SGCZ: variants seen among roughly 807,000 people sequenced by gnomAD.
The protein encoded by SGCZ is zeta-sarcoglycan.
Under a neutral mutation model 41.3 loss-of-function variants are expected in SGCZ, and 40 were observed. That is an observed-to-expected ratio of 0.97 (90% CI 0.75 to 1.26). The LOEUF is 1.26. SGCZ is among the 50% of genes most tolerant of loss of function. The probability of loss-of-function intolerance (pLI) is 0.00; values close to 1 mark genes in which losing one functional copy is unlikely to be tolerated. For missense variants in SGCZ, 552 were observed against 369.8 expected, an observed-to-expected ratio of 1.49 and a Z score of -4.04; for synonymous variants, 206 against 137.5, an observed-to-expected ratio of 1.50 and a Z score of -3.49.
At chr8:14,186,117 T>C (rs1396145664) in intron 4 of SGCZ, among the ~76,000 whole-genome samples, 1 of 152,212 alleles carries the variant, frequency 6.6e-6, no homozygotes, top group African/African-American at 2.4e-5. Flanking sequence ...AGCGCTCTAC[T>C]ACTAGAGTTC....
chr8:14,559,386 C>A (rs994800206), intron 1 of SGCZ, among the ~76,000 whole-genome samples: 2 of 151,716 alleles, frequency 1.3e-5, no homozygotes, highest in Admixed American at 1.3e-4. Flanking sequence ...TACCATAGAG[C>A]AAAAAATAAA....
At chr8:14,578,811 T>A (rs1804795670) in intron 1 of SGCZ, among the ~76,000 whole-genome samples, 1 of 152,162 alleles carries the variant, frequency 6.6e-6, no homozygotes. Flanking sequence ...TAAGACATTG[T>A]CTCTCTGTTT....
At chr8:14,614,916 T>C (rs12056497) in intron 1 of SGCZ, among the ~76,000 whole-genome samples, 51,791 of 151,926 alleles carry the variant, frequency 0.34, 9,077 homozygotes, top group East Asian at 0.62. Flanking sequence ...TCACTTTATA[T>C]GTATATTTTA....
chr8:14,332,399 C>T (rs1332166680), intron 2 of SGCZ, among the ~76,000 whole-genome samples: 1 of 151,896 alleles, frequency 6.6e-6, no homozygotes, highest in East Asian at 1.9e-4. Context: ...CGAGATCGCG[C>T]CACTGCACTC....
At chr8:14,634,568 TG>T (rs1436412019) in intron 1 of SGCZ, among the ~76,000 whole-genome samples, 2 of 151,772 alleles carry the variant, frequency 1.3e-5, no homozygotes, top group Non-Finnish European at 1.5e-5. Flanking sequence ...AACCCTTACT[TG>T]AGCAAAACCA....
chr8:14,442,625 T>A lies in SGCZ; in HGVS notation c.234+112107A>T, dbSNP rs543154196. On this transcript the variant is annotated intron_variant, in intron 2 of 7. Coordinates refer to ENST00000382080, the MANE Select transcript of SGCZ (RefSeq NM_139167.4). ...TTGTTCAAATTATGCTAATGGTCCC[T>A]TATATAGAGTTGATACTTTCTGCTT... is the stretch of plus-strand genomic sequence containing the variant. Among the ~76,000 whole-genome samples, 98 of 152,270 alleles carry A rather than the reference T, an allele frequency of 6.4e-4. 1 individual carries two copies. The highest frequency in any genetic ancestry group is 2.3e-3 in the African/African-American group (96 of 41,566).
At chr8:14,809,647 T>C (rs1801679546) in intron 1 of SGCZ, among the ~76,000 whole-genome samples, 1 of 152,110 alleles carries the variant, frequency 6.6e-6, no homozygotes, top group African/African-American at 2.4e-5. Flanking sequence ...TAGCTTAAAG[T>C]GAATGGATTT....
intron 1 of SGCZ, among the ~76,000 whole-genome samples, chr8:14,782,703 T>C (rs938584503): frequency 7.1e-6 from 1 of 140,960 alleles, no homozygotes; most frequent in African/African-American, 2.5e-5. Context: ...TATTAGCAGA[T>C]GCAATAACCA....
intron 2 of SGCZ, among the ~76,000 whole-genome samples, chr8:14,469,051 C>G (rs944541246): frequency 6.6e-6 from 1 of 152,046 alleles, no homozygotes; most frequent in Non-Finnish European, 1.5e-5. Context: ...AATTAGTTCT[C>G]CATGCCACAA....
intron 1 of SGCZ, among the ~76,000 whole-genome samples, chr8:14,788,058 G>T (rs1394039540): frequency 6.6e-6 from 1 of 152,074 alleles, no homozygotes; most frequent in Non-Finnish European, 1.5e-5. Context: ...TCTGGAAAAA[G>T]ATGCATCATA....
Position 15,093,602 on chromosome 8 carries a change from T to G in SGCZ, c.39+143983A>C, listed in dbSNP as rs530338828. 4.6e-5 allele frequency among the ~76,000 whole-genome samples: 7 copies of G among 152,324 alleles called. No individual in the cohort carries two copies. The East Asian group carries it at 1.2e-3, about 25-fold the overall frequency. ...AAACTGTGGTATCGAATTTTCCTAT[T>G]TTGTATTTGGCTTAAATGGTAGGCA... On this transcript the variant is annotated intron_variant, in intron 1 of 7. Transcript: ENST00000382080.
At chr8:15,040,945 G>C (rs1804072471) in intron 1 of SGCZ, among the ~76,000 whole-genome samples, 1 of 152,100 alleles carries the variant, frequency 6.6e-6, no homozygotes, top group African/African-American at 2.4e-5. Flanking sequence ...AGGTAAAAAA[G>C]TGTCTAATAC....
chr8:15,237,457 C>G (rs991246191), intron 1 of SGCZ, 128 bp downstream of exon 1: 107 of 1,154,724 alleles, frequency 9.3e-5, no homozygotes, highest in Non-Finnish European at 1.3e-4. Flanking sequence ...TGCGCGTCCC[C>G]CCAACGCCCC....
intron 2 of SGCZ, among the ~76,000 whole-genome samples, chr8:14,533,136 C>G (rs925215886): frequency 2.0e-5 from 3 of 151,838 alleles, no homozygotes; most frequent in African/African-American, 7.3e-5. Context: ...TAATGCTATC[C>G]TTCCCCACTC....
At chr8:14,740,936 A>T (rs1206819005) in intron 1 of SGCZ, among the ~76,000 whole-genome samples, 1 of 152,086 alleles carries the variant, frequency 6.6e-6, no homozygotes, top group Non-Finnish European at 1.5e-5. Flanking sequence ...AGGATAAAGA[A>T]AGAAAACTAT....
chr8:14,285,813 G>A (rs1800600963), intron 3 of SGCZ, among the ~76,000 whole-genome samples: 1 of 152,086 alleles, frequency 6.6e-6, no homozygotes, highest in East Asian at 1.9e-4. Flanking sequence ...TCAGTAAAGA[G>A]TGGAGAGAGG....
chr8:14,674,068 T>C, intron 1 of SGCZ, among the ~76,000 whole-genome samples: 1 of 152,272 alleles, frequency 6.6e-6, no homozygotes, highest in Non-Finnish European at 1.5e-5. Flanking sequence ...TTTATATATT[T>C]TTATTTTTTT....
intron 3 of SGCZ, among the ~76,000 whole-genome samples, chr8:14,320,987 T>C (rs1043636516): frequency 6.6e-6 from 1 of 152,024 alleles, no homozygotes; most frequent in African/African-American, 2.4e-5. Context: ...ATACTCCAAT[T>C]AAGTGTTTTA....
intron 2 of SGCZ, among the ~76,000 whole-genome samples, chr8:14,500,538 A>C (rs1802121730): frequency 6.6e-6 from 1 of 152,048 alleles, no homozygotes; most frequent in Non-Finnish European, 1.5e-5. Flanking sequence ...AATTTTTTCA[A>C]GATACAGCAA....
Sources: gnomAD v4.1 joint callset for allele counts (sites outside exome capture counted in the v4.1 genomes callset) on GRCh38, gnomAD v4.1.1 for gene constraint, MANE v1.5 for transcripts, NCBI Gene and HGNC (gene_info 2026-07-23, HGNC 2026-07-21) for gene names.